The following ANO3 variants were observed in gnomAD, a reference collection of about 807,000 sequenced individuals.
The protein encoded by ANO3 is anoctamin 3.
In ANO3, 99 loss-of-function variants were observed where a neutral mutation model predicts 144.8. That is an observed-to-expected ratio of 0.68 (90% CI 0.58 to 0.81). The LOEUF (loss-of-function observed/expected upper bound fraction) is 0.81, where lower values mean the gene tolerates loss of function less well. Among genes scored for constraint, ANO3 ranks in the 30% least tolerant of loss-of-function variants. The probability of loss-of-function intolerance (pLI) is 0.00; values close to 1 mark genes in which losing one functional copy is unlikely to be tolerated. For synonymous variants in ANO3, 414 were observed against 392.6 expected, an observed-to-expected ratio of 1.05 and a Z score of -0.64; for missense variants, 905 against 1,202.2, an observed-to-expected ratio of 0.75 and a Z score of 3.66.
In ANO3 at chr11:26,443,828, T is replaced by G; in HGVS notation, c.305T>G (p.Phe102Cys). 2 of 1,611,518 alleles carry G rather than the reference T, an allele frequency of 1.2e-6. No individual in the cohort carries two copies. Among genetic ancestry groups the G allele is most frequent in the Non-Finnish European group, 1.7e-6 (2 of 1,178,358 alleles). Reference sequence around the variant, plus strand: ...TGTTCATTTGCTGACCTCAGCGATTTTTGTTTGGGTAAGTTGATAATCAGT... The same window carrying G: ...TGTTCATTTGCTGACCTCAGCGATTGTTGTTTGGGTAAGTTGATAATCAGT... Reference protein sequence around the residue: ...LRCSFADLSDFCLALGKDKDY... With the variant: ...LRCSFADLSDCCLALGKDKDY... Residue 102 changes from phenylalanine (F) to cysteine (C), a missense_variant, in exon 3 of 27, where the codon TTT becomes TGT. Coordinates refer to ENST00000256737, the MANE Select transcript of ANO3 (RefSeq NM_031418.4).
chr11:26,396,723 A>G (rs1216224934), intron 1 of ANO3, among the ~76,000 whole-genome samples: 1 of 152,040 alleles, frequency 6.6e-6, no homozygotes, highest in Non-Finnish European at 1.5e-5. Context: ...GTTGTCACTT[A>G]TAAGTGGAAG....
At chr11:26,292,640 G>A (rs1442267377) in intron 1 of ANO3, among the ~76,000 whole-genome samples, 1 of 152,120 alleles carries the variant, frequency 6.6e-6, no homozygotes, top group Admixed American at 6.6e-5. Flanking sequence ...ATTCCTTTCT[G>A]TTTGTTAGTT....
chr11:26,516,343 A>T (rs1327566168), intron 5 of ANO3, among the ~76,000 whole-genome samples: 1 of 151,578 alleles, frequency 6.6e-6, no homozygotes, highest in Non-Finnish European at 1.5e-5. Flanking sequence ...ATTTATACCC[A>T]GTTTTTTCCA....
chr11:26,351,393 A>G (rs1279551012), intron 1 of ANO3, among the ~76,000 whole-genome samples: 2 of 152,094 alleles, frequency 1.3e-5, no homozygotes, highest in Non-Finnish European at 2.9e-5. Context: ...GATCCTGTCT[A>G]TATTTTATTT....
chr11:26,604,491 A>C (rs1851883495), intron 17 of ANO3, among the ~76,000 whole-genome samples: 1 of 152,168 alleles, frequency 6.6e-6, no homozygotes, highest in South Asian at 2.1e-4. Context: ...TGAATCTATA[A>C]ATTACTTTGG....
chr11:26,558,045 A>T (rs936259818), intron 13 of ANO3, among the ~76,000 whole-genome samples: 4 of 152,176 alleles, frequency 2.6e-5, no homozygotes, highest in Non-Finnish European at 5.9e-5. Context: ...AGAATATTAC[A>T]TGTACTCCAA....
chr11:26,284,494 T>C (rs1414194780), intron 1 of ANO3, among the ~76,000 whole-genome samples: 1 of 152,210 alleles, frequency 6.6e-6, no homozygotes, highest in African/African-American at 2.4e-5. Flanking sequence ...TTTGTACTCA[T>C]TATATGTATA....
Position 26,641,954 on chromosome 11 carries a change from A to G in ANO3, c.2200A>G (p.Ile734Val), listed in dbSNP as rs1383621298. Residue 734 changes from isoleucine (I) to valine (V), a missense_variant, in exon 22 of 27, where the codon ATA becomes GTA. Around this residue, in one of 4 missense-constraint regions of ANO3, gnomAD observed 597 missense variants for 865.1 expected, o/e 0.69. Transcript: ENST00000256737. Reference sequence around the variant, plus strand: ...CAAGCGGGGAATACATGATGCTTCCATACCTCAGTGGGAAAATGATTGGAA... The same window carrying G: ...CAAGCGGGGAATACATGATGCTTCCGTACCTCAGTGGGAAAATGATTGGAA... ...KIKRGIHDAS[I>V]PQWENDWNLQ... The G allele has an allele frequency of 6.2e-7, 1 of 1,613,958 alleles. No homozygotes were observed. The highest frequency in any genetic ancestry group is 8.5e-7 in the Non-Finnish European group (1 of 1,179,988).
chr11:26,524,693 T>C (rs547863871), intron 6 of ANO3, among the ~76,000 whole-genome samples: 1 of 152,292 alleles, frequency 6.6e-6, no homozygotes, highest in African/African-American at 2.4e-5. Flanking sequence ...CTCTAAGAAA[T>C]GCTATACCTC....
intron 1 of ANO3, among the ~76,000 whole-genome samples, chr11:26,201,256 T>C (rs1037437506): frequency 3.3e-5 from 5 of 152,154 alleles, no homozygotes; most frequent in African/African-American, 7.2e-5. Flanking sequence ...ATACGTTTTC[T>C]GATTTTCATA....
intron 1 of ANO3, among the ~76,000 whole-genome samples, chr11:26,230,755 C>T (rs560708707): frequency 1.6e-5 from 2 of 126,816 alleles, no homozygotes; most frequent in South Asian, 2.5e-4. Context: ...CGAGATCCCA[C>T]TACTGCACTC....
In ANO3 at chr11:26,615,411, TATA is replaced by T. The variant is rs1366126909; in HGVS notation, c.1837-9050_1837-9048del. The stretch of plus-strand genomic sequence containing the variant: ...CTGTCAGTTTATATATATATATATA[TATA>T]TTTTTTTTTTTTCAGTTCCTCAATG... On this transcript the variant is annotated intron_variant, in intron 17 of 26. Transcript: ENST00000256737. Among the ~76,000 whole-genome samples, 275 of 100,858 alleles carry T rather than the reference TATA, an allele frequency of 2.7e-3. 1 individual carries two copies. The highest frequency in any genetic ancestry group is 0.01 in the African/African-American group (263 of 25,736). The allele number at this position is 100,858 out of a possible 152,430, so 66.2% of individuals were successfully genotyped here. A position where few individuals can be genotyped will look rare whatever the true frequency, so the allele number is the denominator to read the frequency against.
At chr11:26,370,354 C>T (rs747361999) in intron 1 of ANO3, among the ~76,000 whole-genome samples, 1 of 152,104 alleles carries the variant, frequency 6.6e-6, no homozygotes, top group Non-Finnish European at 1.5e-5. Flanking sequence ...CTTCCTGAGG[C>T]CTCCCCAGCC....
chr11:26,293,452 T>C (rs1401024642), intron 1 of ANO3, among the ~76,000 whole-genome samples: 1 of 148,154 alleles, frequency 6.7e-6, no homozygotes, highest in Non-Finnish European at 1.5e-5. Flanking sequence ...ACATTACTGA[T>C]AAACAATGAG....
At chr11:26,456,994 A>G (rs1859187266) in intron 3 of ANO3, among the ~76,000 whole-genome samples, 1 of 150,590 alleles carries the variant, frequency 6.6e-6, no homozygotes, top group Non-Finnish European at 1.5e-5. Context: ...CAAACACCAC[A>G]TATTCTCACT....
chr11:26,565,602 T>C (rs774425391), intron 14 of ANO3: 2 of 1,613,100 alleles, frequency 1.2e-6, no homozygotes, highest in African/African-American at 2.7e-5. Context: ...ACTGGAGAAA[T>C]CTGTTATTCC....
At chr11:26,634,970 GA>G (rs775820912) in intron 19 of ANO3, 42 bp from the exon 20 acceptor site, 1 of 1,527,930 alleles carries the variant, frequency 6.5e-7, no homozygotes, top group Non-Finnish European at 9.1e-7. Context: ...GTTCTTCAGT[GA>G]ACCCCACTTA....
At chr11:26,354,784 T>G (rs1855734927) in intron 1 of ANO3, among the ~76,000 whole-genome samples, 1 of 152,154 alleles carries the variant, frequency 6.6e-6, no homozygotes, top group African/African-American at 2.4e-5. Flanking sequence ...GTTTAGTCAA[T>G]GTTTATATTA....
intron 1 of ANO3, among the ~76,000 whole-genome samples, chr11:26,318,189 G>A (rs1019723516): frequency 6.6e-6 from 1 of 152,052 alleles, no homozygotes; most frequent in Non-Finnish European, 1.5e-5. Context: ...GCAAACCACC[G>A]CAGCACGTGT....
Sources: gnomAD v4.1 joint callset for allele counts (sites outside exome capture counted in the v4.1 genomes callset) on GRCh38, gnomAD v4.1.1 for gene constraint, gnomAD v4.1.1 regional missense constraint, MANE v1.5 for transcripts, NCBI Gene and HGNC (gene_info 2026-07-23, HGNC 2026-07-21) for gene names.